Variants in ZNF506 observed in about 807,000 individuals in gnomAD.
ZNF506 encodes zinc finger protein 506.
A neutral mutation model predicts 11.6 loss-of-function variants in ZNF506; 10 were observed. The ratio of observed to expected loss-of-function variants is 0.86; its 90% CI spans 0.53 to 1.46. The LOEUF is 1.46. Ranked by LOEUF, ZNF506 falls within the 40% of genes most tolerant of loss-of-function variation. The pLI, the probability that ZNF506 is intolerant of heterozygous loss-of-function variation, is 0.00. For synonymous variants in ZNF506, 156 were observed against 173.3 expected, an observed-to-expected ratio of 0.90 and a Z score of 0.78; for missense variants, 425 against 521.2, an observed-to-expected ratio of 0.82 and a Z score of 1.80.
intron 3 of ZNF506, among the ~76,000 whole-genome samples, chr19:19,802,940 T>C (rs1228648965): frequency 6.6e-6 from 1 of 152,086 alleles, no homozygotes; most frequent in Non-Finnish European, 1.5e-5. Flanking sequence ...TACATTAAGG[T>C]AGGAGAACTG....
At chr19:19,818,741 G>A (rs1038151863) in intron 1 of ZNF506, among the ~76,000 whole-genome samples, 1 of 152,174 alleles carries the variant, frequency 6.6e-6, no homozygotes, top group African/African-American at 2.4e-5. Context: ...AGTGGCTCAT[G>A]TCTGTAATCC....
At chr19:19,815,234 T>C (rs778309307) in intron 1 of ZNF506, among the ~76,000 whole-genome samples, 3 of 152,180 alleles carry the variant, frequency 2.0e-5, no homozygotes, top group African/African-American at 4.8e-5. Context: ...CACTCCAGCC[T>C]GGGCAACACA....
chr19:19,816,710 GT>G (rs1321513739), intron 1 of ZNF506, among the ~76,000 whole-genome samples: 6 of 150,912 alleles, frequency 4.0e-5, no homozygotes, highest in Non-Finnish European at 8.8e-5. Flanking sequence ...GGCTGGTCGC[GT>G]ACTCCCAACC....
Position 19,795,082 on chromosome 19 carries a change from G to C in ZNF506, c.805C>G (p.Pro269Ala), listed in dbSNP as rs1349043914. Residue 269 changes from proline to alanine, a missense_variant, in exon 4 of 4, where the codon CCT becomes GCT. Pro to Ala is a conservative substitution (Grantham distance 27). Transcript: ENST00000540806. ...TTCTTATGTGAAAAAAGGGTTGCAG[G>C]GTGGTTAAAAGCTTTGCCACATTCT... is the stretch of plus-strand genomic sequence containing the variant. ...CRECGKAFNH[P>A]ATLFSHKKIH... 3 of 1,609,966 alleles carry C rather than the reference G, an allele frequency of 1.9e-6. No homozygotes were observed. The highest frequency in any genetic ancestry group is 2.5e-6 in the Non-Finnish European group (3 of 1,178,994).
In ZNF506 at chr19:19,806,996, G is replaced by C. The variant is rs376367503; in HGVS notation, c.76C>G (p.Arg26Gly). 7 of 1,613,824 alleles carry C rather than the reference G, an allele frequency of 4.3e-6. No homozygotes were observed. The Admixed American group carries it at 6.7e-5, about 15-fold the overall frequency. Residue 26 changes from arginine to glycine, a missense_variant, in exon 2 of 4, where the codon CGG becomes GGG. Transcript: ENST00000540806. ...EEWHCLDAAQ[R>G]NLYRDVMLEN... ...AACATCACATCCCTATATAGATTCCGCTGTGCAGCGTCCAGGCAATGCCAC... is the reference window on the plus strand; with the variant it reads ...AACATCACATCCCTATATAGATTCCCCTGTGCAGCGTCCAGGCAATGCCAC...
At chr19:19,803,178 G>A (rs2062808808) in intron 3 of ZNF506, among the ~76,000 whole-genome samples, 1 of 152,214 alleles carries the variant, frequency 6.6e-6, no homozygotes, top group Non-Finnish European at 1.5e-5. Context: ...TGGTCCCACT[G>A]AGAATTCTGA....
intron 1 of ZNF506, among the ~76,000 whole-genome samples, chr19:19,808,711 C>T (rs2062858333): frequency 6.6e-6 from 1 of 151,174 alleles, no homozygotes; most frequent in Non-Finnish European, 1.5e-5. Context: ...GGCGTGGTGG[C>T]GGGCACCTGT....
At position 19,795,284 on chromosome 19, in the gene ZNF506, A is replaced by G. The variant is rs2062730722; in HGVS notation, c.603T>C (p.Tyr201=). Residue 201 remains tyrosine (Y), a synonymous_variant, in exon 4 of 4, where the codon TAT becomes TAC. Coordinates refer to ENST00000540806, the MANE Select transcript of ZNF506 (RefSeq NM_001099269.3). ...AGGCTTTACCACATTCTTCACATTT[A>G]TAGCGTTTCTCTCCAGCATCAATTT... ...YKKIDAGEKR[Y]KCEECGKAYK... 3 of 1,613,826 alleles carry G rather than the reference A, an allele frequency of 1.9e-6. No individual in the cohort carries two copies. The highest frequency in any genetic ancestry group is 3.3e-4 in the Middle Eastern group (2 of 6,082).
Position 19,793,253 on chromosome 19 carries a change from T to C in ZNF506, c.*1299A>G, listed in dbSNP as rs1322058019. Among the ~76,000 whole-genome samples, 1 of 152,220 alleles carries C rather than the reference T, an allele frequency of 6.6e-6. No individual in the cohort carries two copies. Among genetic ancestry groups the C allele is most frequent in the Non-Finnish European group, 1.5e-5 (1 of 68,028 alleles). On this transcript the variant is annotated 3_prime_UTR_variant, in exon 4 of 4. Coordinates refer to ENST00000540806, the MANE Select transcript of ZNF506 (RefSeq NM_001099269.3). The stretch of plus-strand genomic sequence containing the variant: ...TACTCAATACTCTGATTTAGTGTAA[T>C]GTCTGAAGTGTCAGTGCCTTATTCT...
chr19:19,800,548 C>G (rs1333895298), intron 3 of ZNF506, among the ~76,000 whole-genome samples: 1 of 151,420 alleles, frequency 6.6e-6, no homozygotes, highest in African/African-American at 2.4e-5. Flanking sequence ...TCCTGAGTAG[C>G]TGGGACTACA....
intron 1 of ZNF506, among the ~76,000 whole-genome samples, chr19:19,809,987 T>A (rs565106037): frequency 6.3e-4 from 96 of 152,326 alleles, no homozygotes; most frequent in African/African-American, 2.3e-3. Flanking sequence ...AAATTGGCCA[T>A]GAGATCCTAA....
intron 1 of ZNF506, among the ~76,000 whole-genome samples, chr19:19,816,171 A>T (rs2062929195): frequency 6.7e-6 from 1 of 150,132 alleles, no homozygotes; most frequent in Admixed American, 6.6e-5. Flanking sequence ...ATAATGAAAT[A>T]TTTCTTTTCT....
At chr19:19,819,970 G>A (rs777015725) in intron 1 of ZNF506, among the ~76,000 whole-genome samples, 1 of 151,936 alleles carries the variant, frequency 6.6e-6, no homozygotes, top group Non-Finnish European at 1.5e-5. Context: ...GGTGGCACGC[G>A]CCTGTACTCC....
intron 3 of ZNF506, among the ~76,000 whole-genome samples, chr19:19,804,663 GCA>G (rs1437365100): frequency 6.6e-6 from 1 of 152,160 alleles, no homozygotes; most frequent in Non-Finnish European, 1.5e-5. Context: ...ACTCACAATA[GCA>G]AAGACTTGGA....
intron 3 of ZNF506, chr19:19,795,982 G>T: frequency 3.3e-6 from 1 of 302,066 alleles, no homozygotes; most frequent in South Asian, 3.6e-5. Context: ...ATAACATTGT[G>T]CCTTTAAAAG....
intron 1 of ZNF506, among the ~76,000 whole-genome samples, chr19:19,816,438 A>G (rs1599528650): frequency 6.6e-6 from 1 of 152,264 alleles, no homozygotes; most frequent in Admixed American, 6.5e-5. Context: ...GCTCACTGCA[A>G]GCTCCATCTC....
Position 19,807,208 on chromosome 19 carries a change from C to A in ZNF506, c.4-140G>T, listed in dbSNP as rs1050006106. On this transcript the variant is annotated intron_variant, in intron 1 of 3. Coordinates refer to ENST00000540806, the MANE Select transcript of ZNF506 (RefSeq NM_001099269.3). The stretch of plus-strand genomic sequence containing the variant: ...TTATCCAATAAAATGATTTTCAACA[C>A]AGAAATATTCTCTAATGTATTCTCT... The A allele has an allele frequency of 6.0e-5, 83 of 1,385,256 alleles. No individual in the cohort carries two copies. The East Asian group carries it at 2.0e-3, about 33-fold the overall frequency. 85.8% of individuals were successfully genotyped at this position (1,385,256 alleles called of 1,614,324 possible).
chr19:19,795,411 T>C lies in ZNF506; in HGVS notation c.476A>G (p.Asn159Ser), dbSNP rs778626121. 24 of 1,593,678 alleles carry C rather than the reference T, an allele frequency of 1.5e-5. No homozygotes were observed. In the South Asian group the frequency reaches 2.3e-4, roughly 15 times the overall value. ...ATCTCTTATCTTATGTTTGTTTGAATTTGAAAATTTATGCAAGAATTTCAC... is the reference window on the plus strand; with the variant it reads ...ATCTCTTATCTTATGTTTGTTTGAACTTGAAAATTTATGCAAGAATTTCAC... ...EYVKFLHKFSNSNKHKIRDTG... is the reference protein window; with the variant it reads ...EYVKFLHKFSSSNKHKIRDTG... The change falls in exon 4 of 4, where the codon AAT becomes AGT. Residue 159 changes from asparagine (N) to serine (S), a missense_variant. This residue lies in a region of ZNF506 where 226 missense variants were observed against 279.1 expected (regional missense o/e 0.81). Coordinates refer to ENST00000540806, the MANE Select transcript of ZNF506 (RefSeq NM_001099269.3).
At position 19,821,667 on chromosome 19, in the gene ZNF506, G is replaced by A. The variant is rs184127471; in HGVS notation, c.-64C>T. The A allele has an allele frequency of 1.6e-3, 2,491 of 1,603,972 alleles. 28 individuals carry two copies. In the African/African-American group the frequency reaches 0.02, roughly 13 times the overall value. On this transcript the variant is annotated 5_prime_UTR_variant, in exon 1 of 4. Transcript: ENST00000540806. ...CCCTCCTAATACCTGCAGGTCACAG[G>A]GCCACAGAGGCTGGGCCTCTAGGAG...
Sources: gnomAD v4.1 joint callset for allele counts (sites outside exome capture counted in the v4.1 genomes callset) on GRCh38, gnomAD v4.1.1 for gene constraint, gnomAD v4.1.1 regional missense constraint, MANE v1.5 for transcripts, NCBI Gene and HGNC (gene_info 2026-07-23, HGNC 2026-07-21) for gene names.